The following AFF1 variants were observed in gnomAD, a reference collection of about 807,000 sequenced individuals.
AFF1 encodes AF4/FMR2 family member 1.
A neutral mutation model predicts 121.7 loss-of-function variants in AFF1; 48 were observed. The ratio of observed to expected loss-of-function variants is 0.39; its 90% CI spans 0.31 to 0.50. The LOEUF (loss-of-function observed/expected upper bound fraction) is 0.50, where lower values mean the gene tolerates loss of function less well. AFF1 is among the 20% of genes least tolerant of loss of function. AFF1 has a pLI of 0.76. For missense variants in AFF1, 1,523 were observed against 1,511.7 expected, an observed-to-expected ratio of 1.01 and a Z score of -0.12; for synonymous variants, 613 against 563.0, an observed-to-expected ratio of 1.09 and a Z score of -1.26.
At chr4:87,089,936 G>A (rs757649178) in intron 5 of AFF1, 48 bp from the exon 6 acceptor site, 8 of 1,385,666 alleles carry the variant, frequency 5.8e-6, no homozygotes, top group Non-Finnish European at 8.2e-6. Flanking sequence ...AGCAATGAAT[G>A]TTCTATTTAT....
At chr4:86,979,638 A>G (rs1323196958) in intron 2 of AFF1, among the ~76,000 whole-genome samples, 1 of 152,238 alleles carries the variant, frequency 6.6e-6, no homozygotes, top group South Asian at 2.1e-4. Flanking sequence ...ATGCTCCTTT[A>G]ATATGAAAAG....
intron 2 of AFF1, among the ~76,000 whole-genome samples, chr4:87,016,054 G>A (rs559482121): frequency 6.6e-6 from 1 of 152,274 alleles, no homozygotes; most frequent in Admixed American, 6.5e-5. Flanking sequence ...AGTGGCAGGT[G>A]CCTGTAATCC....
At chr4:86,967,888 C>T (rs1016812235) in intron 2 of AFF1, among the ~76,000 whole-genome samples, 1 of 152,118 alleles carries the variant, frequency 6.6e-6, no homozygotes, top group Non-Finnish European at 1.5e-5. Flanking sequence ...AAGGTCTGGG[C>T]TTAAGACACA....
At chr4:87,057,324 A>T (rs1315387184) in intron 4 of AFF1, among the ~76,000 whole-genome samples, 1 of 152,210 alleles carries the variant, frequency 6.6e-6, no homozygotes. Flanking sequence ...TGAGTAATTT[A>T]GATAAAAACA....
intron 2 of AFF1, among the ~76,000 whole-genome samples, chr4:86,952,299 C>T (rs530093998): frequency 4.7e-4 from 71 of 152,234 alleles, no homozygotes; most frequent in African/African-American, 1.7e-3. Flanking sequence ...GCTATTAAAA[C>T]GTCTTCCTAT....
intron 2 of AFF1, chr4:86,949,892 T>A (rs1721176112): frequency 1.9e-6 from 3 of 1,613,292 alleles, no homozygotes; most frequent in Non-Finnish European, 2.5e-6. Context: ...CGTGAAGGGG[T>A]TCTTGGTGGG....
intron 8 of AFF1, among the ~76,000 whole-genome samples, chr4:87,105,183 C>A (rs1238776502): frequency 6.6e-6 from 1 of 152,166 alleles, no homozygotes; most frequent in Non-Finnish European, 1.5e-5. Flanking sequence ...CATTTAATGG[C>A]TAACTACTTT....
chr4:87,095,039 G>C (rs922057922), intron 8 of AFF1, 70 bp downstream of exon 8: 2 of 1,428,826 alleles, frequency 1.4e-6, no homozygotes, highest in African/African-American at 2.8e-5. Flanking sequence ...TCAATGCATT[G>C]CTTAGATTTT....
chr4:87,052,857 T>TGAGGTGAGGG (rs1232754730), intron 4 of AFF1, among the ~76,000 whole-genome samples: 134 of 151,730 alleles, frequency 8.8e-4, no homozygotes, highest in African/African-American at 3.1e-3. Flanking sequence ...AGGAGTGGCC[T>TGAGGTGAGGG]GAGGTGAGGG....
intron 11 of AFF1, among the ~76,000 whole-genome samples, chr4:87,112,878 C>T (rs924078956): frequency 3.9e-5 from 6 of 152,140 alleles, no homozygotes; most frequent in Non-Finnish European, 8.8e-5. Flanking sequence ...ATAAGGACAG[C>T]GATGTATAGT....
intron 1 of AFF1, among the ~76,000 whole-genome samples, chr4:86,943,835 G>A (rs1720644242): frequency 6.6e-6 from 1 of 151,940 alleles, no homozygotes; most frequent in South Asian, 2.1e-4. Flanking sequence ...GGTGGTGCAT[G>A]CCTGTAATCC....
intron 1 of AFF1, among the ~76,000 whole-genome samples, chr4:86,941,243 C>T (rs1319338664): frequency 1.3e-5 from 2 of 152,126 alleles, no homozygotes; most frequent in Non-Finnish European, 2.9e-5. Context: ...AGGTACAGTG[C>T]CTCATGCCTG....
intron 2 of AFF1, chr4:87,007,260 C>G (rs1726235459): frequency 2.0e-6 from 3 of 1,509,054 alleles, no homozygotes; most frequent in South Asian, 2.6e-5. Flanking sequence ...GCCCGGGGCT[C>G]GAGAGCAGGT....
At chr4:87,106,078 T>C (rs754113835) in intron 10 of AFF1, among the ~76,000 whole-genome samples, 2 of 152,306 alleles carry the variant, frequency 1.3e-5, no homozygotes, top group South Asian at 4.1e-4. Flanking sequence ...AGTATAGATG[T>C]TAAAGATTTT....
chr4:87,007,319 C>T, intron 2 of AFF1: 3 of 1,597,038 alleles, frequency 1.9e-6, no homozygotes, highest in Non-Finnish European at 2.6e-6. Context: ...CCGCCCGGCT[C>T]CGCCAAATGG....
rs903883751 is a variant in AFF1 at position 87,046,870 on chromosome 4, G to C, written c.335G>C (p.Ser112Thr). 7 of 1,614,034 alleles carry C rather than the reference G, an allele frequency of 4.3e-6. No individual in the cohort carries two copies. The highest frequency in any genetic ancestry group is 5.9e-6 in the Non-Finnish European group (7 of 1,180,028). ...IPDKGSSIPSSSFHTSVHHQS... is the reference protein window; with the variant it reads ...IPDKGSSIPSTSFHTSVHHQS... ...GACAAAGGGAGCAGCATTCCATCCA[G>C]CTCCTTCCACACTAGTGTCCACCAC... Residue 112 changes from serine (S) to threonine (T), a missense_variant, in exon 4 of 21, where the codon AGC becomes ACC. Transcript: ENST00000395146.
At chr4:87,124,380 T>C (rs1238173550) in intron 12 of AFF1, among the ~76,000 whole-genome samples, 6 of 152,192 alleles carry the variant, frequency 3.9e-5, no homozygotes, top group East Asian at 1.9e-4. Flanking sequence ...TGGAGAGATA[T>C]AAAGACAGTA....
At chr4:87,009,617 G>T (rs1280329337) in intron 2 of AFF1, among the ~76,000 whole-genome samples, 2 of 152,154 alleles carry the variant, frequency 1.3e-5, no homozygotes, top group African/African-American at 2.4e-5. Context: ...TTTTGTAAAT[G>T]TGCATTTTCT....
Position 87,111,032 on chromosome 4 carries a change from G to T in AFF1, c.1533+2717G>T, listed in dbSNP as rs1334417040. Reference sequence around the variant, plus strand: ...TTTTTATTTTTTTTTTTTTGAGACGGAGTCTCGCTCTGTCGCCCAGGCTGG... The same window carrying T: ...TTTTTATTTTTTTTTTTTTGAGACGTAGTCTCGCTCTGTCGCCCAGGCTGG... On this transcript the variant is annotated intron_variant, in intron 11 of 20. Coordinates refer to ENST00000395146, the MANE Select transcript of AFF1 (RefSeq NM_001166693.3). Among the ~76,000 whole-genome samples, 5 of 23,768 alleles carry T rather than the reference G, an allele frequency of 2.1e-4. 1 individual carries two copies. Among genetic ancestry groups the T allele is most frequent in the African/African-American group, 8.4e-4 (5 of 5,966 alleles). The allele number at this position is 23,768 out of a possible 152,430, so 15.6% of individuals were successfully genotyped here.
Sources: allele counts gnomAD v4.1 joint callset (sites outside exome capture counted in the v4.1 genomes callset), GRCh38; gene constraint gnomAD v4.1.1; transcripts MANE v1.5; gene names NCBI Gene and HGNC (gene_info 2026-07-23, HGNC 2026-07-21).